Variants in MSRB3 observed in about 807,000 individuals in gnomAD.
The protein encoded by MSRB3 is methionine sulfoxide reductase B3.
MSRB3 carries 13 observed loss-of-function variants against 21.0 expected under a neutral mutation model. The ratio of observed to expected loss-of-function variants is 0.62; its 90% CI spans 0.40 to 0.98. The LOEUF (loss-of-function observed/expected upper bound fraction) is 0.98, where lower values mean the gene tolerates loss of function less well. Ranked by LOEUF, MSRB3 falls within the 50% of genes least tolerant of loss-of-function variation. MSRB3 has a pLI of 0.00. For synonymous variants in MSRB3, 87 were observed against 88.6 expected (o/e 0.98, Z 0.10); for missense variants, 199 against 230.3 (o/e 0.86, Z 0.88).
intron 5 of MSRB3, among the ~76,000 whole-genome samples, chr12:65,439,839 CA>C (rs1372437000): frequency 2.0e-5 from 3 of 150,410 alleles, no homozygotes; most frequent in East Asian, 1.9e-4. Context: ...TTTGAAAGAT[CA>C]AAAAAATAGA....
intron 1 of MSRB3, among the ~76,000 whole-genome samples, chr12:65,292,585 T>C (rs1592494377): frequency 6.6e-6 from 1 of 152,152 alleles, no homozygotes; most frequent in Non-Finnish European, 1.5e-5. Context: ...GGCTCTGATA[T>C]TTACTTTTCT....
chr12:65,319,506 T>G (rs1224376681), intron 2 of MSRB3, among the ~76,000 whole-genome samples: 1 of 152,202 alleles, frequency 6.6e-6, no homozygotes, highest in African/African-American at 2.4e-5. Context: ...TCCTTTTTGT[T>G]AACTCTCTTT....
intron 4 of MSRB3, among the ~76,000 whole-genome samples, chr12:65,349,937 T>G (rs898868595): frequency 2.5e-4 from 38 of 151,958 alleles, no homozygotes; most frequent in South Asian, 6.2e-4. Context: ...GTCAATTTTG[T>G]CTTTTGTTGC....
chr12:65,338,447 C>G (rs1276536934), intron 4 of MSRB3, among the ~76,000 whole-genome samples: 1 of 152,142 alleles, frequency 6.6e-6, no homozygotes, highest in East Asian at 1.9e-4. Context: ...TTGGTAGATG[C>G]TTGTTACAAC....
chr12:65,312,340 A>T (rs942288048), intron 2 of MSRB3, among the ~76,000 whole-genome samples: 1 of 152,030 alleles, frequency 6.6e-6, no homozygotes, highest in Non-Finnish European at 1.5e-5. Context: ...CCATGTTTGA[A>T]CATTAGAATT....
At chr12:65,337,049 C>T (rs990841308) in intron 4 of MSRB3, among the ~76,000 whole-genome samples, 3 of 152,188 alleles carry the variant, frequency 2.0e-5, no homozygotes, top group Admixed American at 2.0e-4. Context: ...CAAGACCATC[C>T]TGGCCAACAT....
In MSRB3 at chr12:65,380,481, T is replaced by C. The variant is rs191423601; in HGVS notation, c.292+11455T>C. Reference sequence around the variant, plus strand: ...ATCCCAGCTACTTGGGAAGCTGAGGTGGAGAATTGCTTGAACCCGGGAGGT... The same window carrying C: ...ATCCCAGCTACTTGGGAAGCTGAGGCGGAGAATTGCTTGAACCCGGGAGGT... On this transcript the variant is annotated intron_variant, in intron 5 of 6. Coordinates refer to ENST00000308259, the MANE Select transcript of MSRB3 (RefSeq NM_001031679.3). Among the ~76,000 whole-genome samples, 197 of 151,666 alleles carry C rather than the reference T, an allele frequency of 1.3e-3. 1 individual carries two copies. The Middle Eastern group carries it at 0.02, about 16-fold the overall frequency.
intron 3 of MSRB3, among the ~76,000 whole-genome samples, chr12:65,327,911 C>T (rs1379468427): frequency 1.3e-5 from 2 of 152,142 alleles, no homozygotes; most frequent in African/African-American, 2.4e-5. Flanking sequence ...TGCACACAAA[C>T]AACCAGAGAT....
chr12:65,279,022 A>T, intron 1 of MSRB3, 157 bp downstream of exon 1: 1 of 1,444,760 alleles, frequency 6.9e-7, no homozygotes, highest in Non-Finnish European at 9.1e-7. Context: ...CGAGAAGGGG[A>T]GCAGAAGGGT....
At chr12:65,337,275 A>AC (rs1220249024) in intron 4 of MSRB3, among the ~76,000 whole-genome samples, 2 of 151,766 alleles carry the variant, frequency 1.3e-5, no homozygotes, top group Admixed American at 6.6e-5. Context: ...AAACAAAAAA[A>AC]AACCAAAAAT....
chr12:65,320,825 T>C (rs961952629), intron 2 of MSRB3, among the ~76,000 whole-genome samples: 4 of 152,200 alleles, frequency 2.6e-5, no homozygotes, highest in African/African-American at 9.6e-5. Flanking sequence ...GCATATGTCT[T>C]ATATATTTAA....
chr12:65,436,554 A>G (rs1487660917), intron 5 of MSRB3, among the ~76,000 whole-genome samples: 1 of 151,904 alleles, frequency 6.6e-6, no homozygotes, highest in Non-Finnish European at 1.5e-5. Context: ...TAAAAATTCA[A>G]GAAACCCTGA....
intron 6 of MSRB3, among the ~76,000 whole-genome samples, chr12:65,460,684 T>C (rs1365555799): frequency 6.6e-6 from 1 of 152,108 alleles, no homozygotes; most frequent in African/African-American, 2.4e-5. Context: ...CCCATATATT[T>C]GTTAGCAAAT....
rs539015905 is a variant in MSRB3 at position 65,366,140 on chromosome 12, G to T, written c.264-2858G>T. 3.9e-5 allele frequency among the ~76,000 whole-genome samples: 6 copies of T among 152,290 alleles called. No individual in the cohort carries two copies. The East Asian group carries it at 1.2e-3, about 29-fold the overall frequency. On this transcript the variant is annotated intron_variant, in intron 4 of 6. Coordinates refer to ENST00000308259, the MANE Select transcript of MSRB3 (RefSeq NM_001031679.3). ...CTCAGCCACTCACCCTCACAGGAGG[G>T]TTTGCATTAAGAGTTCTCTGAGCAG...
chr12:65,350,144 C>T (rs1164057241), intron 4 of MSRB3, among the ~76,000 whole-genome samples: 1 of 151,656 alleles, frequency 6.6e-6, no homozygotes, highest in East Asian at 1.9e-4. Flanking sequence ...CCAGTTTTCC[C>T]AGCACCATTT....
intron 4 of MSRB3, among the ~76,000 whole-genome samples, chr12:65,338,647 C>T (rs998953974): frequency 9.9e-5 from 15 of 152,086 alleles, no homozygotes; most frequent in South Asian, 2.1e-4. Context: ...AATATAAGAA[C>T]GATTAAAAAT....
intron 1 of MSRB3, among the ~76,000 whole-genome samples, chr12:65,280,041 ACT>A (rs1182649324): frequency 8.5e-5 from 13 of 152,054 alleles, no homozygotes; most frequent in African/African-American, 2.9e-4. Flanking sequence ...TATATTCAGT[ACT>A]CTCTGGTTTA....
chr12:65,349,511 T>G (rs1876786892), intron 4 of MSRB3, among the ~76,000 whole-genome samples: 1 of 150,744 alleles, frequency 6.6e-6, no homozygotes, highest in East Asian at 1.9e-4. Context: ...ATGAACTAGT[T>G]TACAGTCCCA....
At chr12:65,336,372 T>C (rs1290180644) in intron 4 of MSRB3, among the ~76,000 whole-genome samples, 2 of 152,232 alleles carry the variant, frequency 1.3e-5, no homozygotes, top group East Asian at 3.8e-4. Context: ...TTTTTCTTTT[T>C]AAAAAGTTAT....
Sources: gnomAD v4.1 joint callset for allele counts (sites outside exome capture counted in the v4.1 genomes callset) on GRCh38, gnomAD v4.1.1 for gene constraint, MANE v1.5 for transcripts, NCBI Gene and HGNC (gene_info 2026-07-23, HGNC 2026-07-21) for gene names.